The following MROH9 variants were observed in gnomAD, a reference collection of about 807,000 sequenced individuals.
MROH9 encodes maestro heat like repeat family member 9.
Under a neutral mutation model 98.2 loss-of-function variants are expected in MROH9, and 92 were observed. The ratio of observed to expected loss-of-function variants is 0.94; its 90% confidence interval spans 0.79 to 1.11. The LOEUF (loss-of-function observed/expected upper bound fraction) is 1.11. MROH9 is among the 50% of genes most tolerant of loss of function. MROH9 has a pLI of 0.00. For missense variants in MROH9, 1,057 were observed against 1,014.8 expected, an observed-to-expected ratio of 1.04 and a Z score of -0.57; for synonymous variants, 397 against 368.9, an observed-to-expected ratio of 1.08 and a Z score of -0.87.
At chr1:171,024,008 T>C (rs952181734) in intron 17 of MROH9, among the ~76,000 whole-genome samples, 2 of 152,162 alleles carry the variant, frequency 1.3e-5, no homozygotes, top group South Asian at 2.1e-4. Flanking sequence ...GCAATATTTG[T>C]CTTTCTGTCC....
intron 7 of MROH9, among the ~76,000 whole-genome samples, chr1:170,970,173 C>T (rs1021593928): frequency 4.6e-5 from 7 of 152,174 alleles, no homozygotes; most frequent in African/African-American, 1.4e-4. Flanking sequence ...ACACATCTAA[C>T]AAGCTCCTGA....
intron 20 of MROH9, among the ~76,000 whole-genome samples, chr1:171,055,227 G>T (rs957329441): frequency 6.6e-6 from 1 of 152,160 alleles, no homozygotes; most frequent in African/African-American, 2.4e-5. Flanking sequence ...TGGATAACTG[G>T]AGATCCTTTT....
Position 170,961,491 on chromosome 1 carries a change from A to G in MROH9, c.289-399A>G, listed in dbSNP as rs1245513679. On this transcript the variant is annotated intron_variant, in intron 5 of 21. Transcript: ENST00000367759. ...AAAATCACATTTAAGCACAAAGAAT[A>G]TTGAGGAAATGCAGCATTCATAAAC... 2.0e-5 allele frequency among the ~76,000 whole-genome samples: 3 copies of G among 152,210 alleles called. No individual in the cohort carries two copies. The East Asian group carries it at 5.8e-4, about 29-fold the overall frequency.
intron 1 of MROH9, among the ~76,000 whole-genome samples, chr1:170,939,123 T>A (rs560860064): frequency 6.6e-6 from 1 of 152,358 alleles, no homozygotes; most frequent in South Asian, 2.1e-4. Context: ...AACACAAATA[T>A]CTTCAAACTT....
At chr1:170,960,005 T>C (rs1649956855) in intron 5 of MROH9, among the ~76,000 whole-genome samples, 1 of 152,228 alleles carries the variant, frequency 6.6e-6, no homozygotes, top group South Asian at 2.1e-4. Context: ...AAGAAATTCA[T>C]GGCATATGAT....
At chr1:171,043,690 C>A (rs774459817) in intron 20 of MROH9, among the ~76,000 whole-genome samples, 5 of 151,690 alleles carry the variant, frequency 3.3e-5, no homozygotes, top group African/African-American at 4.8e-5. Flanking sequence ...TTATAAAAAT[C>A]TTTCACTTAT....
At chr1:171,009,665 A>G (rs1652080731) in intron 15 of MROH9, among the ~76,000 whole-genome samples, 1 of 152,248 alleles carries the variant, frequency 6.6e-6, no homozygotes, top group African/African-American at 2.4e-5. Flanking sequence ...AGTAAAAGCC[A>G]AGAAGACATG....
At chr1:171,006,967 A>G (rs995283110) in intron 15 of MROH9, among the ~76,000 whole-genome samples, 14 of 149,802 alleles carry the variant, frequency 9.3e-5, no homozygotes, top group African/African-American at 3.0e-4. Flanking sequence ...GTAGATCTCC[A>G]TTTTTTGTGG....
chr1:170,959,497 T>C lies in MROH9; in HGVS notation c.188T>C (p.Leu63Ser). ...CCCTTACTGCAGTTTGAATCTCAGT[T>C]GAAGATAATAGAGTCATCCTTTGGA... ...VDPLLQFESQ[L>S]KIIESSFGML... The change falls in exon 5 of 22, where the codon TTG becomes TCG. Residue 63 changes from leucine (L) to serine (S), a missense_variant. Coordinates refer to ENST00000367759, the MANE Select transcript of MROH9 (RefSeq NM_001163629.2). 1 of 1,612,734 alleles carries C rather than the reference T, an allele frequency of 6.2e-7. No individual in the cohort carries two copies. Among genetic ancestry groups the C allele is most frequent in the Non-Finnish European group, 8.5e-7 (1 of 1,179,324 alleles).
At chr1:171,027,851 C>A (rs1161064485) in intron 20 of MROH9, among the ~76,000 whole-genome samples, 1 of 152,164 alleles carries the variant, frequency 6.6e-6, no homozygotes, top group East Asian at 1.9e-4. Context: ...TAAATGTCTT[C>A]TTTTCAGAAG....
intron 1 of MROH9, among the ~76,000 whole-genome samples, chr1:170,937,369 G>T (rs1449099553): frequency 6.6e-6 from 1 of 151,980 alleles, no homozygotes; most frequent in African/African-American, 2.4e-5. Context: ...ATTGCATTTT[G>T]TATTATGTGA....
chr1:171,029,946 G>C (rs1571152525), intron 20 of MROH9, among the ~76,000 whole-genome samples: 1 of 152,096 alleles, frequency 6.6e-6, no homozygotes, highest in East Asian at 1.9e-4. Context: ...TGGTTGGTAG[G>C]CTATTAATTA....
At chr1:170,951,314 C>T (rs1177219860) in intron 3 of MROH9, among the ~76,000 whole-genome samples, 2 of 152,036 alleles carry the variant, frequency 1.3e-5, no homozygotes, top group East Asian at 3.9e-4. Context: ...GTTAGTGAAC[C>T]AGCTCCTAAG....
chr1:171,057,808 A>G (rs866880727), intron 20 of MROH9, among the ~76,000 whole-genome samples: 8 of 152,204 alleles, frequency 5.3e-5, no homozygotes, highest in African/African-American at 1.9e-4. Flanking sequence ...ATTGGGGGCC[A>G]AATTCAACAT....
At chr1:170,979,452 G>A (rs28368763) in intron 8 of MROH9, among the ~76,000 whole-genome samples, 47,903 of 151,906 alleles carry the variant, frequency 0.32, 7,657 homozygotes, top group Middle Eastern at 0.46. Flanking sequence ...AATAAATTGC[G>A]TTTGGAAAAA....
intron 15 of MROH9, among the ~76,000 whole-genome samples, chr1:171,008,244 A>AT (rs200297775): frequency 6.6e-6 from 1 of 152,140 alleles, no homozygotes; most frequent in African/African-American, 2.4e-5. Context: ...GAACAACATA[A>AT]TTTTTTATGT....
chr1:170,998,814 A>T, intron 15 of MROH9: 1 of 902,030 alleles, frequency 1.1e-6, no homozygotes, highest in Non-Finnish European at 1.3e-6. Context: ...AAATTATCAA[A>T]TCTAATTTTT....
intron 15 of MROH9, among the ~76,000 whole-genome samples, chr1:171,004,762 C>T (rs1282857169): frequency 6.6e-6 from 1 of 151,946 alleles, no homozygotes; most frequent in African/African-American, 2.4e-5. Context: ...TCCTGCTTCC[C>T]ATCTGCCATG....
rs192475346 is a variant in MROH9 at position 170,972,548 on chromosome 1, C to T, written c.616+665C>T. Among the ~76,000 whole-genome samples, 551 of 152,214 alleles carry T rather than the reference C, an allele frequency of 3.6e-3. 1 individual carries two copies. Among genetic ancestry groups the T allele is most frequent in the African/African-American group, 0.013 (526 of 41,538 alleles). On this transcript the variant is annotated intron_variant, in intron 8 of 21. Coordinates refer to ENST00000367759, the MANE Select transcript of MROH9 (RefSeq NM_001163629.2). ...GTTTTTGGCAAGGCACAGTGGCTCA[C>T]GCCTATAATCCCAGCACTTTGGGAG...
Sources: allele counts gnomAD v4.1 joint callset (sites outside exome capture counted in the v4.1 genomes callset), GRCh38; gene constraint gnomAD v4.1.1; transcripts MANE v1.5; gene names NCBI Gene and HGNC (gene_info 2026-07-23, HGNC 2026-07-21).